Variants in GPR143 observed in about 807,000 individuals in gnomAD.
GPR143 encodes G-protein coupled receptor 143.
A neutral mutation model predicts 27.6 loss-of-function variants in GPR143; 8 were observed. The ratio of observed to expected loss-of-function variants is 0.29; its 90% CI spans 0.17 to 0.52. The LOEUF is 0.52. Among genes scored for constraint, GPR143 ranks in the 20% least tolerant of loss-of-function variants. The pLI, the probability that GPR143 is intolerant of heterozygous loss-of-function variation, is 0.96. For missense variants in GPR143, 303 were observed against 343.1 expected, an observed-to-expected ratio of 0.88 and a Z score of 0.92; for synonymous variants, 156 against 153.2, an observed-to-expected ratio of 1.02 and a Z score of -0.13.
intron 1 of GPR143, among the ~76,000 whole-genome samples, chrX:9,764,031 G>T (rs2083515102): frequency 8.9e-6 from 1 of 112,503 alleles, no homozygotes; most frequent in African/African-American, 3.2e-5. Context: ...GCTGGGTGAG[G>T]TGGCTCACGC....
upstream of GPR143, among the ~76,000 whole-genome samples, chrX:9,766,562 T>C (rs113407334): frequency 0.021 from 2,359 of 111,312 alleles, 56 homozygotes; most frequent in African/African-American, 0.072. Flanking sequence ...CCCACCTCTA[T>C]TAAAAATACA....
chrX:9,773,751 C>T (rs973030834), intron 1 of GPR143, among the ~76,000 whole-genome samples: 1 of 108,798 alleles, frequency 9.2e-6, no homozygotes. Context: ...GTGGTCCCAA[C>T]TACCTGGGAG....
chrX:9,748,360 G>A (rs1019855410), intron 4 of GPR143, among the ~76,000 whole-genome samples: 1 of 112,906 alleles, frequency 8.9e-6, no homozygotes, highest in Non-Finnish European at 1.9e-5. Flanking sequence ...AAACGAGAAA[G>A]GCAGAGCCAG....
chrX:9,765,070 G>A (rs2146705067), intron 1 of GPR143, among the ~76,000 whole-genome samples: 1 of 110,680 alleles, frequency 9.0e-6, no homozygotes, highest in East Asian at 2.8e-4. Flanking sequence ...GGTCCCTAGG[G>A]AACAGCCTCC....
At chrX:9,762,932 G>T (rs2083509762) in intron 1 of GPR143, among the ~76,000 whole-genome samples, 1 of 111,208 alleles carries the variant, frequency 9.0e-6, no homozygotes, top group Admixed American at 9.6e-5. Flanking sequence ...ACCCTCAAAA[G>T]ATGTTTGGGT....
At chrX:9,769,873 C>T (rs1329907347), upstream of GPR143, among the ~76,000 whole-genome samples, 1 of 111,352 alleles carries the variant, frequency 9.0e-6, no homozygotes, top group Non-Finnish European at 1.9e-5. Flanking sequence ...TGAGTCACTG[C>T]GCCCAGCCTA....
chrX:9,744,670 A>T (rs1473059513), intron 5 of GPR143, among the ~76,000 whole-genome samples: 1 of 111,788 alleles, frequency 8.9e-6, no homozygotes, highest in Admixed American at 9.5e-5. Context: ...ACGTCAATTC[A>T]CTCCAGCCTG....
intron 5 of GPR143, among the ~76,000 whole-genome samples, chrX:9,745,372 T>G (rs16985698): frequency 0.013 from 1,501 of 112,456 alleles, 35 homozygotes; most frequent in African/African-American, 0.046. Flanking sequence ...AATCAACAGG[T>G]GATCTTCAAA....
intron 2 of GPR143, 109 bp from the exon 3 acceptor site, chrX:9,759,535 C>T (rs930078612): frequency 4.0e-5 from 22 of 543,999 alleles, no homozygotes; most frequent in Non-Finnish European, 5.5e-5. Context: ...GTCAGGAAGC[C>T]GCACGTGACA....
chrX:9,770,323 A>AAGAGAGAGAGAGAGAGAGAG (rs201287124), upstream of GPR143, among the ~76,000 whole-genome samples: 12 of 89,017 alleles, frequency 1.3e-4, no homozygotes, highest in African/African-American at 5.7e-4. Context: ...AAGAAAGAAA[A>AAGAGAGAGAGAGAGAGAGAG]AGAGAGAGAG....
upstream of GPR143, among the ~76,000 whole-genome samples, chrX:9,766,724 T>C (rs777872380): frequency 1.2e-4 from 13 of 110,224 alleles, no homozygotes; most frequent in Non-Finnish European, 2.3e-4. Flanking sequence ...AGACCTTGTA[T>C]CAAAAAACGA....
At chrX:9,749,226 T>TCC (rs1315734826) in intron 3 of GPR143, among the ~76,000 whole-genome samples, 2,555 of 72,347 alleles carry the variant, frequency 0.035, 79 homozygotes, top group African/African-American at 0.13. Context: ...GGGATTTCCC[T>TCC]CCCCCCCCAA....
intron 3 of GPR143, among the ~76,000 whole-genome samples, chrX:9,755,875 T>C (rs933039322): frequency 2.7e-5 from 3 of 112,188 alleles, no homozygotes; most frequent in Non-Finnish European, 5.6e-5. Context: ...TCTTCACTGA[T>C]ACACCTAATT....
upstream of GPR143, among the ~76,000 whole-genome samples, chrX:9,767,458 A>C (rs540276418): frequency 5.4e-5 from 6 of 111,246 alleles, no homozygotes; most frequent in African/African-American, 2.0e-4. Context: ...GGTTTTAAGG[A>C]AGGCATGATC....
At chrX:9,732,840 C>T (rs896305662) in intron 8 of GPR143, among the ~76,000 whole-genome samples, 8 of 85,465 alleles carry the variant, frequency 9.4e-5, no homozygotes, top group Admixed American at 4.9e-4. Context: ...TCAGCCTTGG[C>T]GACAGAGTGA....
upstream of GPR143, chrX:9,765,925 C>A (rs770000435): frequency 1.1e-5 from 9 of 800,133 alleles, no homozygotes; most frequent in East Asian, 1.8e-4. Flanking sequence ...GCCTCTCCCC[C>A]ACCCCAACCC....
intron 6 of GPR143, among the ~76,000 whole-genome samples, chrX:9,743,075 C>A (rs1172353300): frequency 2.7e-5 from 3 of 109,771 alleles, no homozygotes; most frequent in Non-Finnish European, 3.8e-5. Flanking sequence ...CCATTGCACT[C>A]CAGCCTGGGT....
chrX:9,726,107 G>T, intron 8 of GPR143: 7 of 385,982 alleles, frequency 1.8e-5, no homozygotes, highest in Non-Finnish European at 2.3e-5. Flanking sequence ...CCAGTTGATT[G>T]ATAGGTGACT....
intron 8 of GPR143, among the ~76,000 whole-genome samples, chrX:9,730,731 C>T (rs753723966): frequency 4.6e-4 from 52 of 112,018 alleles, no homozygotes; most frequent in African/African-American, 1.6e-3. Flanking sequence ...GAAGTCCAGG[C>T]TAACATGATG....
Sources: allele counts gnomAD v4.1 joint callset (sites outside exome capture counted in the v4.1 genomes callset), GRCh38; gene constraint gnomAD v4.1.1; transcripts MANE v1.5; gene names NCBI Gene and HGNC (gene_info 2026-07-23, HGNC 2026-07-21).